Variants in CELF4 observed in about 807,000 individuals in gnomAD.
CELF4 encodes the protein CUGBP Elav-like family member 4.
A neutral mutation model predicts 59.9 loss-of-function variants in CELF4; 18 were observed. The observed-to-expected ratio is 0.30, with a 90% CI of 0.21 to 0.45. The LOEUF (loss-of-function observed/expected upper bound fraction) is 0.45, where lower values mean the gene tolerates loss of function less well. Among genes scored for constraint, CELF4 ranks in the 20% least tolerant of loss-of-function variants. The pLI is 1.00. For missense variants in CELF4, 456 were observed against 689.0 expected (o/e 0.66, Z 3.79); for synonymous variants, 261 against 267.1 (o/e 0.98, Z 0.22).
At chr18:37,456,490 G>A (rs572888381) in intron 2 of CELF4, among the ~76,000 whole-genome samples, 12 of 152,252 alleles carry the variant, frequency 7.9e-5, no homozygotes, top group African/African-American at 2.2e-4. Context: ...GTCTGACAGC[G>A]TGTAGTCCCA....
intron 1 of CELF4, among the ~76,000 whole-genome samples, chr18:37,529,655 C>T (rs1354619128): frequency 6.6e-6 from 1 of 152,162 alleles, no homozygotes; most frequent in African/African-American, 2.4e-5. Context: ...AAGCAACTGG[C>T]AGACTTCTAG....
intron 1 of CELF4, among the ~76,000 whole-genome samples, chr18:37,498,696 G>A (rs1487954880): frequency 6.6e-6 from 1 of 152,040 alleles, no homozygotes; most frequent in Non-Finnish European, 1.5e-5. Context: ...GCCAGCTGGT[G>A]ACTCTGAGAA....
At chr18:37,255,800 C>T (rs2068939096) in intron 11 of CELF4, among the ~76,000 whole-genome samples, 1 of 152,138 alleles carries the variant, frequency 6.6e-6, no homozygotes, top group Admixed American at 6.5e-5. Context: ...TTCTTCTCAT[C>T]ATCCACCTGA....
chr18:37,539,197 C>A (rs1237203092), intron 1 of CELF4, among the ~76,000 whole-genome samples: 1 of 152,230 alleles, frequency 6.6e-6, no homozygotes, highest in Non-Finnish European at 1.5e-5. Flanking sequence ...GGGAGCCTCT[C>A]CGAGAGCTTT....
At position 37,302,732 on chromosome 18, in the gene CELF4, G is replaced by A. The variant is rs564362158; in HGVS notation, c.448+19071C>T. On this transcript the variant is annotated intron_variant, in intron 3 of 12. Coordinates refer to ENST00000420428, the MANE Select transcript of CELF4 (RefSeq NM_020180.4). ...AGCCTGAAGCTTTATTAGGGTGTGT[G>A]GTGTGTTCTGAAAGTCAGACTTTCT... Among the ~76,000 whole-genome samples the A allele has an allele frequency of 4.6e-4, 70 of 152,314 alleles. 1 individual carries two copies. Among genetic ancestry groups the A allele is most frequent in the African/African-American group, 1.6e-3 (68 of 41,558 alleles).
In CELF4 at chr18:37,507,763, C is replaced by T. The variant is rs148918329; in HGVS notation, c.287-22156G>A. Among the ~76,000 whole-genome samples, 867 of 152,318 alleles carry T rather than the reference C, an allele frequency of 5.7e-3. 17 individuals carry two copies. Among genetic ancestry groups the T allele is most frequent in the South Asian group, 0.052 (252 of 4,822 alleles). ...CTCCCACTGTGGCATGGCTAGTTCT[C>T]ATCTCTCAGACACACAGCCACCTGC... On this transcript the variant is annotated intron_variant, in intron 1 of 12. Coordinates refer to ENST00000420428, the MANE Select transcript of CELF4 (RefSeq NM_020180.4).
At chr18:37,314,710 C>T (rs2096800421) in intron 3 of CELF4, among the ~76,000 whole-genome samples, 1 of 152,202 alleles carries the variant, frequency 6.6e-6, no homozygotes, top group Admixed American at 6.5e-5. Context: ...TTCCGTCCTC[C>T]AGCCTCCCCT....
chr18:37,528,585 C>T (rs574428328), intron 1 of CELF4, among the ~76,000 whole-genome samples: 6 of 152,200 alleles, frequency 3.9e-5, no homozygotes, highest in South Asian at 2.1e-4. Context: ...CATGGCAGTG[C>T]GGGGAGCACA....
chr18:37,288,285 G>T (rs1013856123), intron 3 of CELF4, among the ~76,000 whole-genome samples: 6 of 152,168 alleles, frequency 3.9e-5, no homozygotes, highest in African/African-American at 1.4e-4. Context: ...TCCCTTATAG[G>T]TGCCTGCTCC....
chr18:37,256,509 G>T (rs2069558991), intron 11 of CELF4, among the ~76,000 whole-genome samples: 1 of 152,234 alleles, frequency 6.6e-6, no homozygotes, highest in Non-Finnish European at 1.5e-5. Flanking sequence ...GGAAGAGATT[G>T]AGGCTCACAG....
At chr18:37,470,890 C>CAGAGAGAGAG (rs142446683) in intron 2 of CELF4, among the ~76,000 whole-genome samples, 59 of 94,990 alleles carry the variant, frequency 6.2e-4, no homozygotes, top group South Asian at 1.4e-3. Context: ...GTGTGTGTGA[C>CAGAGAGAGAG]AGAGAGAGAG....
At chr18:37,443,570 G>A (rs1480945267) in intron 2 of CELF4, among the ~76,000 whole-genome samples, 1 of 152,150 alleles carries the variant, frequency 6.6e-6, no homozygotes, top group African/African-American at 2.4e-5. Flanking sequence ...CATCAGTGTG[G>A]GTGGAGGCTT....
At chr18:37,524,380 G>C (rs561935122) in intron 1 of CELF4, among the ~76,000 whole-genome samples, 1 of 152,118 alleles carries the variant, frequency 6.6e-6, no homozygotes, top group Non-Finnish European at 1.5e-5. Flanking sequence ...AGGAGTCCAG[G>C]GTCTTTTAAA....
At chr18:37,519,425 C>A (rs188777700) in intron 1 of CELF4, among the ~76,000 whole-genome samples, 1 of 152,234 alleles carries the variant, frequency 6.6e-6, no homozygotes, top group East Asian at 1.9e-4. Flanking sequence ...CCTTCCTCCC[C>A]CTTCTGCAGG....
In CELF4 at chr18:37,389,477, A is replaced by G. The variant is rs548689243; in HGVS notation, c.370-67596T>C. 2.0e-5 allele frequency among the ~76,000 whole-genome samples: 3 copies of G among 152,312 alleles called. No homozygotes were observed. The South Asian group carries it at 6.2e-4, about 32-fold the overall frequency. The stretch of plus-strand genomic sequence containing the variant: ...TATTCCCTATATTTCATCCATCACC[A>G]TCTGATCTTCAGGAAGCAAATAGCT... On this transcript the variant is annotated intron_variant, in intron 2 of 12. Coordinates refer to ENST00000420428, the MANE Select transcript of CELF4 (RefSeq NM_020180.4).
At chr18:37,380,308 G>A (rs1376366479) in intron 2 of CELF4, among the ~76,000 whole-genome samples, 1 of 152,116 alleles carries the variant, frequency 6.6e-6, no homozygotes, top group African/African-American at 2.4e-5. Flanking sequence ...CTTATGTGGT[G>A]CTGAGTCTTC....
rs900275473 is a variant in CELF4, at chr18:37,525,332, C to T, written c.287-39725G>A. Among the ~76,000 whole-genome samples, 3 of 152,162 alleles carry T rather than the reference C, an allele frequency of 2.0e-5. No individual in the cohort carries two copies. In the South Asian group the frequency reaches 6.2e-4, roughly 32 times the overall value. ...ATCCTTTCCATCTTTAATGTGTTGC[C>T]TTCTAACTCCAGACAATAGCCCCGT... On this transcript the variant is annotated intron_variant, in intron 1 of 12. Coordinates refer to ENST00000420428, the MANE Select transcript of CELF4 (RefSeq NM_020180.4).
At chr18:37,557,785 T>A (rs1736012196) in intron 1 of CELF4, among the ~76,000 whole-genome samples, 1 of 152,104 alleles carries the variant, frequency 6.6e-6, no homozygotes, top group African/African-American at 2.4e-5. Context: ...CAGGACTATG[T>A]CTCTCTCCAT....
intron 12 of CELF4, among the ~76,000 whole-genome samples, chr18:37,250,139 C>T (rs578077243): frequency 1.3e-5 from 2 of 152,302 alleles, no homozygotes; most frequent in Admixed American, 6.5e-5. Flanking sequence ...TGTGTTCTGC[C>T]CGCTGGCTAT....
Sources: gnomAD v4.1 joint callset for allele counts (sites outside exome capture counted in the v4.1 genomes callset) on GRCh38, gnomAD v4.1.1 for gene constraint, MANE v1.5 for transcripts, NCBI Gene and HGNC (gene_info 2026-07-23, HGNC 2026-07-21) for gene names.